CC2D1B: variants seen among roughly 807,000 people sequenced by gnomAD.
CC2D1B encodes coiled-coil and C2 domain-containing protein 1B.
CC2D1B carries 92 observed loss-of-function variants against 110.8 expected under a neutral mutation model. That is an observed-to-expected ratio of 0.83 (90% CI 0.70 to 0.99). The LOEUF (loss-of-function observed/expected upper bound fraction) is 0.99, where lower values mean the gene tolerates loss of function less well. CC2D1B is among the 50% of genes least tolerant of loss of function. The pLI is 0.00. For missense variants in CC2D1B, 1,136 were observed against 1,089.0 expected (o/e 1.04, Z -0.61); for synonymous variants, 406 against 429.2 (o/e 0.95, Z 0.67).
intron 2 of CC2D1B, 42 bp from the exon 3 acceptor site, chr1:52,362,788 G>A (rs781040099): frequency 2.5e-6 from 4 of 1,607,002 alleles, no homozygotes; most frequent in Non-Finnish European, 3.4e-6. Flanking sequence ...ACAACAAGCA[G>A]GGTAGGGTCC....
chr1:52,358,271 G>C (rs1646697684), intron 13 of CC2D1B, 60 bp downstream of exon 13: 6 of 1,580,816 alleles, frequency 3.8e-6, no homozygotes, highest in Non-Finnish European at 5.2e-6. Flanking sequence ...AACAGGGTCT[G>C]GGTTTACCCC....
At chr1:52,360,720 C>A in intron 5 of CC2D1B, 171 bp from the exon 6 acceptor site, 1 of 1,078,844 alleles carries the variant, frequency 9.3e-7, no homozygotes, top group Non-Finnish European at 1.3e-6. Flanking sequence ...GAGGCCATGG[C>A]AGAGGCAAAT....
In CC2D1B at chr1:52,359,484, C is replaced by T; in HGVS notation, c.993G>A (p.Leu331=). ...CCTCAGGTGCCGGGGGCATGGCACT[C>T]AGATCCACGGGCTGCCCCTTCTCCA... The part of the protein sequence containing the change: ...EALEKGQPVD[L]SAMPPAPEDL... Residue 331 remains leucine, a synonymous_variant, in exon 9 of 25, where the codon CTG becomes CTA. Coordinates refer to ENST00000284376, the MANE Select transcript of CC2D1B (RefSeq NM_001330585.2). 5.6e-6 allele frequency: 9 copies of T among 1,614,130 alleles called. No individual in the cohort carries two copies. Among genetic ancestry groups the T allele is most frequent in the Non-Finnish European group, 7.6e-6 (9 of 1,180,026 alleles).
At position 52,360,771 on chromosome 1, in the gene CC2D1B, G is replaced by T. The variant is rs573627746; in HGVS notation, c.477+203C>A. 1.2e-4 allele frequency: 108 copies of T among 892,606 alleles called. No homozygotes were observed. The African/African-American group carries it at 1.7e-3, about 14-fold the overall frequency. The allele number at this position is 892,606 out of a possible 1,614,324, so 55.3% of individuals were successfully genotyped here. ...GTGGAAGCCAGGATATGGCTCCCGGGGGGTAGTCTAGGAGAACAGAGAGGC... is the reference window on the plus strand; with the variant it reads ...GTGGAAGCCAGGATATGGCTCCCGGTGGGTAGTCTAGGAGAACAGAGAGGC... On this transcript the variant is annotated intron_variant, in intron 5 of 24. Coordinates refer to ENST00000284376, the MANE Select transcript of CC2D1B (RefSeq NM_001330585.2).
chr1:52,359,734 G>T lies in CC2D1B; in HGVS notation c.913C>A (p.Arg305Ser). 1 of 1,608,162 alleles carries T rather than the reference G, an allele frequency of 6.2e-7. No homozygotes were observed. Reference sequence around the variant, plus strand: ...CCAATCCTCATGAGCTCTCGGGCACGGTCTAGCTCTCCAGCCCGCTTGGCA... The same window carrying T: ...CCAATCCTCATGAGCTCTCGGGCACTGTCTAGCTCTCCAGCCCGCTTGGCA... ...LSAKRAGELD[R>S]ARELMRIGKR... Residue 305 changes from arginine (R) to serine (S), a missense_variant, in exon 8 of 25, where the codon CGT becomes AGT. Transcript: ENST00000284376.
Position 52,353,557 on chromosome 1 carries a change from T to C in CC2D1B, c.2521A>G (p.Thr841Ala), listed in dbSNP as rs770950405. ...PLSGQDVQMVTENWLVLEPRG... is the reference protein window; with the variant it reads ...PLSGQDVQMVAENWLVLEPRG... ...GGCTCCAGAACCAGCCAGTTCTCAG[T>C]GACCATCTGCACATCCTGGCCACTC... The change falls in exon 24 of 25, where the codon ACT becomes GCT. Residue 841 changes from threonine (T) to alanine (A), a missense_variant. Thr to Ala is a moderately conservative substitution (Grantham distance 58, BLOSUM62 0). Coordinates refer to ENST00000284376, the MANE Select transcript of CC2D1B (RefSeq NM_001330585.2). The C allele has an allele frequency of 7.4e-6, 12 of 1,614,106 alleles. No individual in the cohort carries two copies. The South Asian group carries it at 1.3e-4, about 18-fold the overall frequency.
Position 52,351,240 on chromosome 1 carries a change from A to T in CC2D1B, c.*1985T>A, listed in dbSNP as rs1292293571. 1 of 152,218 alleles carries T rather than the reference A, an allele frequency of 6.6e-6. No individual in the cohort carries two copies. The highest frequency in any genetic ancestry group is 1.5e-5 in the Non-Finnish European group (1 of 68,040). 9.4% of individuals were successfully genotyped at this position (152,218 alleles called of 1,614,324 possible). On this transcript the variant is annotated 3_prime_UTR_variant, in exon 25 of 25. Transcript: ENST00000284376. ...TTGAAAGAGCAAAGCAGCAGACTGA[A>T]ATTGAATGGGTTGCAAAGGAGAAAC...
At position 52,361,548 on chromosome 1, in the gene CC2D1B, C is replaced by T; in HGVS notation, c.283G>A (p.Glu95Lys). 6.2e-7 allele frequency: 1 copy of T among 1,612,096 alleles called. No homozygotes were observed. Among genetic ancestry groups the T allele is most frequent in the Non-Finnish European group, 8.5e-7 (1 of 1,178,428 alleles). ...GCATCTTCCTCCAGCCCTTCCTCCTCCTCCTCCTCCTCCACATCCCGCATA... is the reference window on the plus strand; with the variant it reads ...GCATCTTCCTCCAGCCCTTCCTCCTTCTCCTCCTCCTCCACATCCCGCATA... ...DCMRDVEEEE[E>K]EEGLEEDAEL... Residue 95 changes from glutamate (E) to lysine (K), a missense_variant, in exon 4 of 25, where the codon GAG becomes AAG. Physicochemically the swap from Glu to Lys is moderately conservative, Grantham distance 56. Coordinates refer to ENST00000284376, the MANE Select transcript of CC2D1B (RefSeq NM_001330585.2).
At chr1:52,362,186 G>A (rs1181935526) in intron 3 of CC2D1B, among the ~76,000 whole-genome samples, 1 of 152,184 alleles carries the variant, frequency 6.6e-6, no homozygotes, top group Non-Finnish European at 1.5e-5. Flanking sequence ...CCGGTGAAAA[G>A]AGAGGACGAT....
At position 52,361,612 on chromosome 1, in the gene CC2D1B, G is replaced by A. The variant is rs534952285; in HGVS notation, c.219C>T (p.Pro73=). The A allele has an allele frequency of 1.4e-5, 23 of 1,613,594 alleles. No homozygotes were observed. Among genetic ancestry groups the A allele is most frequent in the Non-Finnish European group, 1.8e-5 (21 of 1,180,020 alleles). Residue 73 remains proline (P), a synonymous_variant, in exon 4 of 25, where the codon CCC becomes CCT. Coordinates refer to ENST00000284376, the MANE Select transcript of CC2D1B (RefSeq NM_001330585.2). ...GKKPAPKGQA[P]LPMAHIEKLA... ...ACTTCTCGATGTGGGCCATGGGCAGGGGGGCTGGGGGAAAAAGGTCACAAC... is the reference window on the plus strand; with the variant it reads ...ACTTCTCGATGTGGGCCATGGGCAGAGGGGCTGGGGGAAAAAGGTCACAAC...
intron 24 of CC2D1B, 57 bp downstream of exon 24, chr1:52,353,461 T>A (rs1646570059): frequency 1.9e-6 from 3 of 1,557,208 alleles, no homozygotes; most frequent in Non-Finnish European, 2.6e-6. Flanking sequence ...ATGAGTTGAG[T>A]AGTTAGTTGA....
chr1:52,356,734 T>C (rs986511970), intron 16 of CC2D1B: 2 of 599,498 alleles, frequency 3.3e-6, no homozygotes, highest in Non-Finnish European at 2.9e-6. Context: ...GCAGTTCAGA[T>C]AGATAAATAC....
Position 52,360,248 on chromosome 1 carries a change from T to C in CC2D1B, c.604-15A>G. The C allele has an allele frequency of 6.2e-7, 1 of 1,613,544 alleles. No individual in the cohort carries two copies. Among genetic ancestry groups the C allele is most frequent in the East Asian group, 2.2e-5 (1 of 44,880 alleles). ...GACTCCAAGGTCTGAGGGAGAGAAC[T>C]GGTCCAGAAACCCAGCCAGCCATCT... is the stretch of plus-strand genomic sequence containing the variant. On this transcript the variant is annotated splice_polypyrimidine_tract_variant and intron_variant, in intron 6 of 24. Transcript: ENST00000284376.
intron 6 of CC2D1B, 76 bp from the exon 7 acceptor site, chr1:52,360,309 G>A (rs1212404359): frequency 1.3e-6 from 2 of 1,597,470 alleles, no homozygotes; most frequent in African/African-American, 1.3e-5. Flanking sequence ...GCCAGGGGTG[G>A]CCCCCCAACC....
rs533985525 is a variant in CC2D1B at position 52,352,952 on chromosome 1, G to A, written c.*273C>T. On this transcript the variant is annotated 3_prime_UTR_variant, in exon 25 of 25. Coordinates refer to ENST00000284376, the MANE Select transcript of CC2D1B (RefSeq NM_001330585.2). The stretch of plus-strand genomic sequence containing the variant: ...GGGCTGCAGGACTCCATGGTACAGA[G>A]GAATGGAAGTGTCCTTGCCCTCTTC... 6 of 355,300 alleles carry A rather than the reference G, an allele frequency of 1.7e-5. No homozygotes were observed. The highest frequency in any genetic ancestry group is 1.1e-4 in the South Asian group (5 of 45,644). 22.0% of individuals were successfully genotyped at this position (355,300 alleles called of 1,614,324 possible).
At chr1:52,358,516 A>G in intron 12 of CC2D1B, 55 bp from the exon 13 acceptor site, 1 of 1,610,344 alleles carries the variant, frequency 6.2e-7, no homozygotes, top group Non-Finnish European at 8.5e-7. Flanking sequence ...AGAAGCACAA[A>G]GCTACCCGGG....
chr1:52,360,552 A>G lies in CC2D1B; in HGVS notation c.478-3T>C, dbSNP rs1270836445. ...TGTAGCCCCTGAGATGCTCCGGCCT[A>G]TGAACAATTCAGCTAAGGGCCTGGC... On this transcript the variant is annotated splice_polypyrimidine_tract_variant and splice_region_variant and intron_variant, in intron 5 of 24. Coordinates refer to ENST00000284376, the MANE Select transcript of CC2D1B (RefSeq NM_001330585.2). 4 of 1,613,480 alleles carry G rather than the reference A, an allele frequency of 2.5e-6. No individual in the cohort carries two copies. The highest frequency in any genetic ancestry group is 4.5e-5 in the East Asian group (2 of 44,882).
chr1:52,356,565 C>T (rs1165273455), intron 16 of CC2D1B, 123 bp from the exon 17 acceptor site: 4 of 1,014,096 alleles, frequency 3.9e-6, no homozygotes, highest in Non-Finnish European at 6.1e-6. Flanking sequence ...CCTCCCACAA[C>T]ACAGCCCCAA....
At position 52,359,297 on chromosome 1, in the gene CC2D1B, A is replaced by C; in HGVS notation, c.1079T>G (p.Val360Gly). ...GGCCATCACTGGCTGCACTCGCTCC[A>C]CGGCTGGGGGAATGACTGAGGGTGC... ...PTAPSVIPPA[V>G]ERVQPVMAPD... Residue 360 changes from valine (V) to glycine (G), a missense_variant, in exon 10 of 25, where the codon GTG becomes GGG. Coordinates refer to ENST00000284376, the MANE Select transcript of CC2D1B (RefSeq NM_001330585.2). 6.2e-7 allele frequency: 1 copy of C among 1,613,364 alleles called. No homozygotes were observed. The highest frequency in any genetic ancestry group is 2.2e-5 in the East Asian group (1 of 44,852).
Sources: gnomAD v4.1 joint callset for allele counts (sites outside exome capture counted in the v4.1 genomes callset) on GRCh38, gnomAD v4.1.1 for gene constraint, MANE v1.5 for transcripts, NCBI Gene and HGNC (gene_info 2026-07-23, HGNC 2026-07-21) for gene names.